Variants in AFG1L observed in about 807,000 individuals in gnomAD.
AFG1L encodes AFG1 like ATPase, also known as AFG1-like ATPase.
AFG1L carries 53 observed loss-of-function variants against 62.2 expected under a neutral mutation model. The observed-to-expected ratio is 0.85, with a 90% CI of 0.68 to 1.07. The LOEUF (loss-of-function observed/expected upper bound fraction) is 1.07. Ranked by LOEUF, AFG1L falls within the 50% of genes least tolerant of loss-of-function variation. The pLI is 0.00. For synonymous variants in AFG1L, 228 were observed against 210.3 expected (o/e 1.08, Z -0.73); for missense variants, 555 against 590.5 (o/e 0.94, Z 0.62).
rs556207444 is a variant in AFG1L at position 108,356,383 on chromosome 6, G to A, written c.518-307G>A. Among the ~76,000 whole-genome samples, 5 of 152,254 alleles carry A rather than the reference G, an allele frequency of 3.3e-5. No homozygotes were observed. The South Asian group carries it at 1.0e-3, about 32-fold the overall frequency. ...CCTCTGCTCTCATCCCTGAAATAAA[G>A]GACTAAGGTGGATGTGTTGATGCAT... On this transcript the variant is annotated intron_variant, in intron 4 of 12. Transcript: ENST00000368977.
chr6:108,399,778 T>C (rs1428910504), intron 6 of AFG1L, among the ~76,000 whole-genome samples: 1 of 129,788 alleles, frequency 7.7e-6, no homozygotes, highest in African/African-American at 3.0e-5. Flanking sequence ...TCTTTTTTTT[T>C]TTTTTTTTTT....
At chr6:108,498,250 G>A (rs191891822) in intron 10 of AFG1L, among the ~76,000 whole-genome samples, 5 of 152,290 alleles carry the variant, frequency 3.3e-5, no homozygotes, top group Admixed American at 2.6e-4. Flanking sequence ...TAGACTCCAC[G>A]TCACAATGCA....
chr6:108,510,539 G>A (rs776580334), intron 11 of AFG1L, among the ~76,000 whole-genome samples, 187 bp downstream of exon 11: 2 of 152,154 alleles, frequency 1.3e-5, no homozygotes, highest in Non-Finnish European at 2.9e-5. Context: ...GGACTAAAAA[G>A]GCAAATCCAT....
chr6:108,324,020 A>T lies in AFG1L; in HGVS notation c.335A>T (p.Asn112Ile), dbSNP rs575886721. The T allele has an allele frequency of 6.2e-7, 1 of 1,612,284 alleles. No homozygotes were observed. Among genetic ancestry groups the T allele is most frequent in the African/African-American group, 1.3e-5 (1 of 75,012 alleles). The part of the protein sequence containing the change: ...QKLHEDLKGY[N>I]IEAEGLFSKL... The stretch of plus-strand genomic sequence containing the variant: ...TTACACGAGGACCTTAAAGGATACA[A>T]TATAGAGGCAGAAGGCCTTTTTTCA... The change falls in exon 2 of 13, where the codon AAT becomes ATT. Residue 112 changes from asparagine to isoleucine, a missense_variant. By Grantham distance (149) the Asn-to-Ile change is moderately radical. Transcript: ENST00000368977.
At chr6:108,458,659 C>T (rs1271600481) in intron 8 of AFG1L, among the ~76,000 whole-genome samples, 1 of 152,086 alleles carries the variant, frequency 6.6e-6, no homozygotes, top group Non-Finnish European at 1.5e-5. Context: ...ATGCCTTCCT[C>T]TACCTTATTG....
chr6:108,431,393 C>T (rs1205782857), intron 7 of AFG1L, among the ~76,000 whole-genome samples: 6 of 151,648 alleles, frequency 4.0e-5, no homozygotes, highest in African/African-American at 7.3e-5. Flanking sequence ...CATGAGCCAC[C>T]GCGCCTGGCT....
intron 2 of AFG1L, among the ~76,000 whole-genome samples, chr6:108,326,368 G>C (rs2114318061): frequency 6.6e-6 from 1 of 152,276 alleles, no homozygotes; most frequent in African/African-American, 2.4e-5. Flanking sequence ...ACCACACTCA[G>C]CCTATGTCTT....
At chr6:108,483,680 G>A (rs1216593786) in intron 10 of AFG1L, among the ~76,000 whole-genome samples, 4 of 152,142 alleles carry the variant, frequency 2.6e-5, no homozygotes, top group Non-Finnish European at 5.9e-5. Flanking sequence ...ATGACAGGTG[G>A]CCAGGTGTGT....
chr6:108,355,361 A>G (rs757291634), intron 3 of AFG1L, among the ~76,000 whole-genome samples: 9 of 152,188 alleles, frequency 5.9e-5, no homozygotes, highest in Non-Finnish European at 1.2e-4. Context: ...GGAAGAGAAG[A>G]CTGTAAATCT....
rs9374031 is a variant in AFG1L, at chr6:108,396,952, G to A, written c.749-5044G>A. Among the ~76,000 whole-genome samples, 3 of 152,240 alleles carry A rather than the reference G, an allele frequency of 2.0e-5. No individual in the cohort carries two copies. In the East Asian group the frequency reaches 5.8e-4, roughly 29 times the overall value. Reference sequence around the variant, plus strand: ...TTATACTCTATTAGTTATTTTAAATGTACAATTAAATTATTATTGAACTAT... The same window carrying A: ...TTATACTCTATTAGTTATTTTAAATATACAATTAAATTATTATTGAACTAT... On this transcript the variant is annotated intron_variant, in intron 6 of 12. Coordinates refer to ENST00000368977, the MANE Select transcript of AFG1L (RefSeq NM_145315.5).
At chr6:108,331,234 C>G (rs532337179) in intron 2 of AFG1L, among the ~76,000 whole-genome samples, 1 of 152,176 alleles carries the variant, frequency 6.6e-6, no homozygotes, top group East Asian at 1.9e-4. Context: ...TGCAGTAAGC[C>G]GAGATCGTGC....
At chr6:108,493,577 A>G (rs535519312) in intron 10 of AFG1L, among the ~76,000 whole-genome samples, 1 of 152,290 alleles carries the variant, frequency 6.6e-6, no homozygotes, top group Non-Finnish European at 1.5e-5. Flanking sequence ...AACCCAGTTT[A>G]TCCCATTTCC....
intron 8 of AFG1L, among the ~76,000 whole-genome samples, chr6:108,462,698 A>G (rs911015237): frequency 6.6e-6 from 1 of 152,154 alleles, no homozygotes; most frequent in Non-Finnish European, 1.5e-5. Context: ...GAGCTGGCCC[A>G]CTAAATCCAG....
chr6:108,448,271 A>G (rs1771896247), intron 8 of AFG1L, among the ~76,000 whole-genome samples: 2 of 152,276 alleles, frequency 1.3e-5, no homozygotes, highest in South Asian at 4.1e-4. Flanking sequence ...TAATTTTAAA[A>G]AATTCATAGA....
At chr6:108,378,553 A>C (rs1230744880) in intron 6 of AFG1L, among the ~76,000 whole-genome samples, 1 of 152,148 alleles carries the variant, frequency 6.6e-6, no homozygotes, top group Non-Finnish European at 1.5e-5. Context: ...TCCCGACCTC[A>C]GGTGATCTGG....
intron 10 of AFG1L, among the ~76,000 whole-genome samples, chr6:108,506,666 C>T (rs1425993042): frequency 6.6e-6 from 1 of 152,216 alleles, no homozygotes; most frequent in Non-Finnish European, 1.5e-5. Context: ...AGCCACTGGG[C>T]CTGGCTTCCT....
At chr6:108,467,543 C>G (rs1365853770) in intron 8 of AFG1L, among the ~76,000 whole-genome samples, 1 of 152,146 alleles carries the variant, frequency 6.6e-6, no homozygotes, top group East Asian at 1.9e-4. Flanking sequence ...CCACTGGGTA[C>G]TTACATTTTA....
chr6:108,485,439 T>A (rs1227304285), intron 10 of AFG1L, among the ~76,000 whole-genome samples: 1 of 151,222 alleles, frequency 6.6e-6, no homozygotes, highest in African/African-American at 2.4e-5. Context: ...ATGTTCTCCA[T>A]AATATTATTT....
chr6:108,436,666 A>T (rs538857121), intron 7 of AFG1L, among the ~76,000 whole-genome samples: 10 of 152,264 alleles, frequency 6.6e-5, no homozygotes, highest in African/African-American at 2.4e-4. Context: ...TTGCCTGAGC[A>T]TATCATGGGC....
Sources: gnomAD v4.1 joint callset for allele counts (sites outside exome capture counted in the v4.1 genomes callset) on GRCh38, gnomAD v4.1.1 for gene constraint, MANE v1.5 for transcripts, NCBI Gene and HGNC (gene_info 2026-07-23, HGNC 2026-07-21) for gene names.